SERPINB10: variants seen among roughly 807,000 people sequenced by gnomAD.
SERPINB10 encodes the protein serpin B10.
SERPINB10 carries 35 observed loss-of-function variants against 39.1 expected under a neutral mutation model. That is an observed-to-expected ratio of 0.90 (90% CI 0.68 to 1.19). SERPINB10 has a LOEUF of 1.19. SERPINB10 is among the 50% of genes most tolerant of loss of function. The pLI is 0.00. For synonymous variants in SERPINB10, 190 were observed against 158.1 expected, an observed-to-expected ratio of 1.20 and a Z score of -1.52; for missense variants, 546 against 460.5, an observed-to-expected ratio of 1.19 and a Z score of -1.70.
chr18:63,927,057 A>G (rs950278278), intron 5 of SERPINB10, among the ~76,000 whole-genome samples: 45 of 151,912 alleles, frequency 3.0e-4, no homozygotes, highest in African/African-American at 9.7e-4. Flanking sequence ...TTATTTGCAA[A>G]TAATAATTTT....
At chr18:63,928,012 T>G (rs1196009165) in intron 5 of SERPINB10, among the ~76,000 whole-genome samples, 1 of 152,106 alleles carries the variant, frequency 6.6e-6, no homozygotes, top group Non-Finnish European at 1.5e-5. Flanking sequence ...TGTCTGGGGT[T>G]GATGCTGTTT....
intron 1 of SERPINB10, among the ~76,000 whole-genome samples, chr18:63,914,039 AC>A (rs1429010529): frequency 1.3e-5 from 2 of 152,034 alleles, no homozygotes; most frequent in African/African-American, 4.8e-5. Flanking sequence ...GTCACTTTTT[AC>A]TTTTGTTGGC....
rs565557282 is a variant in SERPINB10, at chr18:63,928,106, T to C, written c.491-1939T>C. Among the ~76,000 whole-genome samples the C allele has an allele frequency of 2.0e-5, 3 of 152,168 alleles. No homozygotes were observed. In the South Asian group the frequency reaches 6.2e-4, roughly 32 times the overall value. On this transcript the variant is annotated intron_variant, in intron 5 of 7. Coordinates refer to ENST00000238508, the MANE Select transcript of SERPINB10 (RefSeq NM_005024.3). ...CAGATTTTCTACTATTTCTTGAGATTCTATTAATATTTTCCTGGAAAATTA... is the reference window on the plus strand; with the variant it reads ...CAGATTTTCTACTATTTCTTGAGATCCTATTAATATTTTCCTGGAAAATTA...
chr18:63,920,010 T>C (rs1165851168), intron 5 of SERPINB10, 105 bp downstream of exon 5: 1 of 602,198 alleles, frequency 1.7e-6, no homozygotes, highest in Non-Finnish European at 2.9e-6. Flanking sequence ...AATAGAAGTG[T>C]GGACACATTG....
chr18:63,929,210 A>G (rs1489015719), intron 5 of SERPINB10, among the ~76,000 whole-genome samples: 1 of 152,128 alleles, frequency 6.6e-6, no homozygotes, highest in Admixed American at 6.6e-5. Flanking sequence ...TATTTTTTCC[A>G]TCATTTTAGC....
intron 1 of SERPINB10, among the ~76,000 whole-genome samples, chr18:63,909,179 C>T (rs772071270): frequency 6.6e-6 from 1 of 152,050 alleles, no homozygotes; most frequent in Non-Finnish European, 1.5e-5. Flanking sequence ...TTGGCTTCTC[C>T]TCTGAGCCTG....
At chr18:63,934,662 AT>A (rs1174524221) in intron 7 of SERPINB10, among the ~76,000 whole-genome samples, 175 bp from the exon 8 acceptor site, 1 of 152,210 alleles carries the variant, frequency 6.6e-6, no homozygotes, top group African/African-American at 2.4e-5. Context: ...CAGAAAAAAG[AT>A]TTTGAAGGTC....
rs1014951098 is a variant in SERPINB10 at position 63,922,628 on chromosome 18, G to T, written c.490+2723G>T. The stretch of plus-strand genomic sequence containing the variant: ...GCCAAGAAGACAGCTGTTGTCTGGT[G>T]CCACATAAGCATGGCTCTTAGGGGT... On this transcript the variant is annotated intron_variant, in intron 5 of 7. Transcript: ENST00000238508. Among the ~76,000 whole-genome samples, 6 of 152,082 alleles carry T rather than the reference G, an allele frequency of 3.9e-5. No individual in the cohort carries two copies. The East Asian group carries it at 1.2e-3, about 30-fold the overall frequency.
Position 63,930,047 on chromosome 18 carries a change from A to G in SERPINB10, c.493A>G (p.Lys165Glu), listed in dbSNP as rs568976373. The change falls in exon 6 of 8, where the codon AAA becomes GAA. Residue 165 changes from lysine (K) to glutamate (E), a missense_variant and splice_region_variant. Coordinates refer to ENST00000238508, the MANE Select transcript of SERPINB10 (RefSeq NM_005024.3). The part of the protein sequence containing the change: ...NSWVERQTEG[K>E]IQNLLPDDSV... ...CAACCTGCCTTTTGTTCTTACAGGTAAAATCCAGAATCTCCTGCCTGATGA... is the reference window on the plus strand; with the variant it reads ...CAACCTGCCTTTTGTTCTTACAGGTGAAATCCAGAATCTCCTGCCTGATGA... The G allele has an allele frequency of 1.9e-6, 3 of 1,613,058 alleles. No homozygotes were observed. In the East Asian group the frequency reaches 6.7e-5, roughly 36 times the overall value.
At chr18:63,934,179 C>T (rs1037884735) in intron 7 of SERPINB10, among the ~76,000 whole-genome samples, 2 of 152,036 alleles carry the variant, frequency 1.3e-5, no homozygotes, top group African/African-American at 4.8e-5. Context: ...TTTAAAAAAT[C>T]AAACATACAC....
chr18:63,921,168 C>T (rs1012652), intron 5 of SERPINB10, among the ~76,000 whole-genome samples: 2,202 of 151,998 alleles, frequency 0.014, 40 homozygotes, highest in Middle Eastern at 0.027. Context: ...TCATTCATGA[C>T]TTAATGAAGA....
At position 63,908,338 on chromosome 18, in the gene SERPINB10, T is replaced by C. The variant is rs1006960; in HGVS notation, c.-10+298T>C. ...TTGCTCCTTGTTTTACTGGGAATTG[T>C]GAAATCATCAGTGGAGTTTCCTCCA... On this transcript the variant is annotated intron_variant, in intron 1 of 7. Coordinates refer to ENST00000238508, the MANE Select transcript of SERPINB10 (RefSeq NM_005024.3). Among the ~76,000 whole-genome samples, 8 of 152,010 alleles carry C rather than the reference T, an allele frequency of 5.3e-5. No individual in the cohort carries two copies. The South Asian group carries it at 1.7e-3, about 31-fold the overall frequency.
intron 1 of SERPINB10, among the ~76,000 whole-genome samples, chr18:63,913,650 CA>C: frequency 6.6e-6 from 1 of 152,084 alleles, no homozygotes; most frequent in East Asian, 1.9e-4. Context: ...GGTACAATTT[CA>C]GTTTTTAAAA....
At chr18:63,928,251 C>T (rs1341464989) in intron 5 of SERPINB10, among the ~76,000 whole-genome samples, 1 of 152,020 alleles carries the variant, frequency 6.6e-6, no homozygotes, top group Non-Finnish European at 1.5e-5. Context: ...CAGAGTGAAG[C>T]TGGGTTGGCC....
At chr18:63,931,273 C>T (rs1289946126) in intron 6 of SERPINB10, among the ~76,000 whole-genome samples, 1 of 152,114 alleles carries the variant, frequency 6.6e-6, no homozygotes, top group Non-Finnish European at 1.5e-5. Context: ...AGTTGCTACT[C>T]TCATTCTCTA....
At chr18:63,925,523 A>G (rs965662607) in intron 5 of SERPINB10, among the ~76,000 whole-genome samples, 4 of 152,046 alleles carry the variant, frequency 2.6e-5, no homozygotes, top group African/African-American at 9.7e-5. Context: ...ACAGGAGCCA[A>G]CAGGGGAGGC....
In SERPINB10 at chr18:63,933,064, T is replaced by G. The variant is rs2050235137; in HGVS notation, c.650T>G (p.Val217Gly). Residue 217 changes from valine to glycine, a missense_variant, in exon 7 of 8, where the codon GTG (valine) becomes GGG (glycine). Coordinates refer to ENST00000238508, the MANE Select transcript of SERPINB10 (RefSeq NM_005024.3). ...TTTTTTTAGACTACAAGCAAACCAG[T>G]GCAAATGATGTTTATGAAGAAAAAG... ...FRINETTSKP[V>G]QMMFMKKKLH... The G allele has an allele frequency of 1.2e-6, 2 of 1,613,848 alleles. No individual in the cohort carries two copies. The highest frequency in any genetic ancestry group is 8.5e-7 in the Non-Finnish European group (1 of 1,179,924).
At chr18:63,932,819 G>A (rs1031002717) in intron 6 of SERPINB10, among the ~76,000 whole-genome samples, 9 of 152,148 alleles carry the variant, frequency 5.9e-5, no homozygotes, top group Admixed American at 2.0e-4. Context: ...ATTTATAGAG[G>A]TTACCACAGT....
chr18:63,909,829 A>G (rs922062829), intron 1 of SERPINB10, among the ~76,000 whole-genome samples: 1 of 152,112 alleles, frequency 6.6e-6, no homozygotes, highest in Non-Finnish European at 1.5e-5. Context: ...CTTAAAGGAA[A>G]TACAGAGTTA....
Sources: gnomAD v4.1 joint callset for allele counts (sites outside exome capture counted in the v4.1 genomes callset) on GRCh38, gnomAD v4.1.1 for gene constraint, MANE v1.5 for transcripts, NCBI Gene and HGNC (gene_info 2026-07-23, HGNC 2026-07-21) for gene names.